CPE: variants seen among roughly 807,000 people sequenced by gnomAD.
CPE encodes carbocypeptidase E.
A neutral mutation model predicts 53.5 loss-of-function variants in CPE; 17 were observed. The ratio of observed to expected loss-of-function variants is 0.32; its 90% confidence interval spans 0.22 to 0.48. The LOEUF (loss-of-function observed/expected upper bound fraction) is 0.48, where lower values mean the gene tolerates loss of function less well. CPE is among the 20% of genes least tolerant of loss of function. The probability of loss-of-function intolerance (pLI) is 0.99; values close to 1 mark genes in which losing one functional copy is unlikely to be tolerated. For missense variants in CPE, 524 were observed against 614.7 expected (o/e 0.85, Z 1.56); for synonymous variants, 226 against 228.8 (o/e 0.99, Z 0.11).
rs138457734 is a variant in CPE, at chr4:165,445,578, C to T, written c.308-18812C>T. On this transcript the variant is annotated intron_variant, in intron 1 of 8. Coordinates refer to ENST00000402744, the MANE Select transcript of CPE (RefSeq NM_001873.4). ...AATGTTCTTTTCACAATTGTATAGC[C>T]AGGAATAGATTTAACAAAAAAGGTG... Among the ~76,000 whole-genome samples the T allele has an allele frequency of 7.9e-3, 1,204 of 151,956 alleles. 6 individuals are homozygous for T. Among genetic ancestry groups the T allele is most frequent in the Non-Finnish European group, 0.013 (855 of 67,976 alleles).
chr4:165,405,683 G>T, intron 1 of CPE: 1 of 798,088 alleles, frequency 1.3e-6, no homozygotes, highest in Non-Finnish European at 2.3e-6. Flanking sequence ...GGAAGTTTTA[G>T]TCCTGGTCGC....
At chr4:165,459,768 T>C (rs917163574) in intron 1 of CPE, among the ~76,000 whole-genome samples, 65 of 147,922 alleles carry the variant, frequency 4.4e-4, no homozygotes, top group African/African-American at 1.5e-3. Context: ...ATACAAAAAT[T>C]AGCTGGGTGT....
At chr4:165,493,881 C>A (rs1452716118) in intron 7 of CPE, among the ~76,000 whole-genome samples, 1 of 152,136 alleles carries the variant, frequency 6.6e-6, no homozygotes, top group African/African-American at 2.4e-5. Context: ...GCAAGTCTAC[C>A]TACTCGCATT....
chr4:165,382,545 T>A (rs1730520070), intron 1 of CPE, among the ~76,000 whole-genome samples: 1 of 152,246 alleles, frequency 6.6e-6, no homozygotes, highest in African/African-American at 2.4e-5. Context: ...TTAGTTTTCT[T>A]AATCTAGATT....
intron 1 of CPE, among the ~76,000 whole-genome samples, chr4:165,384,803 G>A (rs550624076): frequency 6.6e-6 from 1 of 152,290 alleles, no homozygotes; most frequent in African/African-American, 2.4e-5. Flanking sequence ...CATACAGGGA[G>A]CTCTTCAGGG....
intron 1 of CPE, chr4:165,404,464 C>T: frequency 2.6e-6 from 2 of 773,782 alleles, no homozygotes; most frequent in Non-Finnish European, 4.8e-6. Flanking sequence ...CCTTCCCAGA[C>T]TGGCGACCTA....
chr4:165,402,562 A>T (rs1277107811), intron 1 of CPE, among the ~76,000 whole-genome samples: 1 of 152,108 alleles, frequency 6.6e-6, no homozygotes, highest in East Asian at 1.9e-4. Flanking sequence ...AGATCTGATT[A>T]AGTGTATGGT....
chr4:165,432,251 A>C (rs1474601946), intron 1 of CPE, among the ~76,000 whole-genome samples: 1 of 152,212 alleles, frequency 6.6e-6, no homozygotes, highest in Non-Finnish European at 1.5e-5. Flanking sequence ...CTAGGCAAGA[A>C]GACACTGCAC....
At chr4:165,386,271 G>A (rs371636002) in intron 1 of CPE, 19 of 517,120 alleles carry the variant, frequency 3.7e-5, no homozygotes, top group African/African-American at 2.0e-4. Flanking sequence ...ATACAATCCC[G>A]GACAACAAGA....
At chr4:165,469,978 T>C (rs1247622124) in intron 3 of CPE, among the ~76,000 whole-genome samples, 1 of 152,198 alleles carries the variant, frequency 6.6e-6, no homozygotes, top group Non-Finnish European at 1.5e-5. Context: ...TATATGGGAT[T>C]CATTGCAGAA....
chr4:165,441,006 A>T (rs1419383590), intron 1 of CPE, among the ~76,000 whole-genome samples: 1 of 152,210 alleles, frequency 6.6e-6, no homozygotes, highest in Non-Finnish European at 1.5e-5. Flanking sequence ...TGGCAAATGC[A>T]TCAGTACAAA....
At position 165,465,262 on chromosome 4, in the gene CPE, T is replaced by C. The variant is rs951572380; in HGVS notation, c.504+676T>C. On this transcript the variant is annotated intron_variant, in intron 2 of 8. Coordinates refer to ENST00000402744, the MANE Select transcript of CPE (RefSeq NM_001873.4). ...ATAATTTTCTTAGTCTATGGGAACATGGGAACACATTCAAGTTAATATTTA... is the reference window on the plus strand; with the variant it reads ...ATAATTTTCTTAGTCTATGGGAACACGGGAACACATTCAAGTTAATATTTA... 3.3e-5 allele frequency among the ~76,000 whole-genome samples: 5 copies of C among 152,218 alleles called. No individual in the cohort carries two copies. In the South Asian group the frequency reaches 8.3e-4, roughly 25 times the overall value.
chr4:165,498,216 T>C lies in CPE; in HGVS notation c.*606T>C, dbSNP rs1257183480. On this transcript the variant is annotated 3_prime_UTR_variant, in exon 9 of 9. Transcript: ENST00000402744. ...TGTACATATAGGAGCAATACTATTA[T>C]ATTATGTAGTCCGTTAACACTACTT... The C allele has an allele frequency of 6.6e-6, 1 of 152,214 alleles. No homozygotes were observed. The highest frequency in any genetic ancestry group is 1.5e-5 in the Non-Finnish European group (1 of 68,044). 9.4% of individuals were successfully genotyped at this position (152,214 alleles called of 1,614,324 possible).
chr4:165,467,669 T>G lies in CPE; in HGVS notation c.505-19T>G, dbSNP rs1732131149. 1 of 1,570,796 alleles carries G rather than the reference T, an allele frequency of 6.4e-7. No homozygotes were observed. The highest frequency in any genetic ancestry group is 1.4e-5 in the African/African-American group (1 of 72,118). On this transcript the variant is annotated intron_variant, in intron 2 of 8. Coordinates refer to ENST00000402744, the MANE Select transcript of CPE (RefSeq NM_001873.4). Reference sequence around the variant, plus strand: ...AATAAGCAACTAATGATTTTTCTCTTTGACTTTTTTTTTTTTAGCCTGGTG... The same window carrying G: ...AATAAGCAACTAATGATTTTTCTCTGTGACTTTTTTTTTTTTAGCCTGGTG...
rs556414566 is a variant in CPE, at chr4:165,495,422, A to T, written c.1214-137A>T. 2.6e-5 allele frequency: 16 copies of T among 612,560 alleles called. No individual in the cohort carries two copies. The East Asian group carries it at 4.0e-4, about 15-fold the overall frequency. The allele number at this position is 612,560 out of a possible 1,614,324, so 37.9% of individuals were successfully genotyped here. A position where few individuals can be genotyped will look rare whatever the true frequency, so the allele number is the denominator to read the frequency against. On this transcript the variant is annotated intron_variant, in intron 7 of 8. Transcript: ENST00000402744. ...TCAATAAAATTTCATTAAATTCCCT[A>T]TATATTTACTTTAAAAATCGAGAAT...
At chr4:165,482,130 G>A (rs533949051) in intron 3 of CPE, 112 bp from the exon 4 acceptor site, 253 of 533,800 alleles carry the variant, frequency 4.7e-4, no homozygotes, top group Admixed American at 2.4e-3. Context: ...CAAAATAGTT[G>A]AAATATGACC....
chr4:165,479,870 T>C (rs188586133), intron 3 of CPE, among the ~76,000 whole-genome samples: 13 of 151,992 alleles, frequency 8.6e-5, no homozygotes, highest in Admixed American at 8.5e-4. Context: ...CAGGCACCTG[T>C]AGTCCCAGCT....
chr4:165,425,625 AT>A (rs1373519067), intron 1 of CPE, among the ~76,000 whole-genome samples: 1 of 151,314 alleles, frequency 6.6e-6, no homozygotes, highest in African/African-American at 2.4e-5. Context: ...CCAAAGATTG[AT>A]GAAAATCAAA....
chr4:165,448,959 C>T (rs6842167), intron 1 of CPE, among the ~76,000 whole-genome samples: 34,879 of 152,098 alleles, frequency 0.23, 4,207 homozygotes, highest in East Asian at 0.36. Flanking sequence ...GATATTTAAA[C>T]TCCTGATGCC....
Sources: allele counts gnomAD v4.1 joint callset (sites outside exome capture counted in the v4.1 genomes callset), GRCh38; gene constraint gnomAD v4.1.1; transcripts MANE v1.5; gene names NCBI Gene and HGNC (gene_info 2026-07-23, HGNC 2026-07-21).